The following PLCB1 variants were observed in gnomAD, a reference collection of about 807,000 sequenced individuals.
PLCB1 encodes 1-phosphatidylinositol 4,5-bisphosphate phosphodiesterase beta-1.
In PLCB1, 46 loss-of-function variants were observed where a neutral mutation model predicts 161.8. The ratio of observed to expected loss-of-function variants is 0.28; its 90% CI spans 0.22 to 0.36. PLCB1 has a LOEUF of 0.36. Ranked by LOEUF, PLCB1 falls within the 10% of genes least tolerant of loss-of-function variation. The probability of loss-of-function intolerance (pLI) is 1.00; values close to 1 mark genes in which losing one functional copy is unlikely to be tolerated. For missense variants in PLCB1, 1,016 were observed against 1,472.5 expected, an observed-to-expected ratio of 0.69 and a Z score of 5.07; for synonymous variants, 517 against 503.7, an observed-to-expected ratio of 1.03 and a Z score of -0.35.
At chr20:8,751,221 G>A (rs542308655) in intron 23 of PLCB1, 1 of 199,348 alleles carries the variant, frequency 5.0e-6, no homozygotes, top group East Asian at 1.3e-4. Context: ...TGGGATTACA[G>A]GCATGAGCCA....
chr20:8,480,088 C>T (rs1002089575), intron 3 of PLCB1, among the ~76,000 whole-genome samples: 8 of 152,184 alleles, frequency 5.3e-5, no homozygotes, highest in Middle Eastern at 3.4e-3. Context: ...TCTCTAGGGT[C>T]GCCAGGTAAT....
At chr20:8,705,683 T>C (rs1392513154) in intron 11 of PLCB1, among the ~76,000 whole-genome samples, 1 of 152,144 alleles carries the variant, frequency 6.6e-6, no homozygotes, top group East Asian at 1.9e-4. Context: ...TATTTTTGAC[T>C]GAAGGAACAA....
intron 2 of PLCB1, among the ~76,000 whole-genome samples, chr20:8,253,053 C>T (rs192363916): frequency 5.4e-4 from 82 of 152,062 alleles, no homozygotes; most frequent in Admixed American, 1.1e-3. Flanking sequence ...GTAGCAAATA[C>T]TATGAGTGTT....
intron 3 of PLCB1, among the ~76,000 whole-genome samples, chr20:8,483,030 TTCTCTCGATCGATGGAAATAATCAAAA>T (rs1982574188): frequency 1.3e-5 from 2 of 152,168 alleles, no homozygotes; most frequent in Admixed American, 1.3e-4. Flanking sequence ...CTTGACATTG[TTCTCTCGATCGATGGAAATAATCAAAA>T]AGGAGAAGGC....
chr20:8,755,956 G>A (rs1478381889), intron 23 of PLCB1, among the ~76,000 whole-genome samples: 2 of 152,226 alleles, frequency 1.3e-5, no homozygotes, highest in Non-Finnish European at 2.9e-5. Context: ...TATTTTTTGT[G>A]TAAAGTTGCT....
intron 3 of PLCB1, among the ~76,000 whole-genome samples, chr20:8,453,947 G>A (rs552104198): frequency 6.6e-6 from 1 of 152,228 alleles, no homozygotes; most frequent in East Asian, 1.9e-4. Context: ...CTGATCCCAT[G>A]GACTGATGTC....
chr20:8,380,541 A>G (rs1483837410), intron 3 of PLCB1, among the ~76,000 whole-genome samples: 1 of 152,176 alleles, frequency 6.6e-6, no homozygotes, highest in Non-Finnish European at 1.5e-5. Context: ...TTTGGGCAGT[A>G]CGGACATTTT....
intron 3 of PLCB1, among the ~76,000 whole-genome samples, chr20:8,533,711 G>A (rs1984923790): frequency 6.6e-6 from 1 of 150,954 alleles, no homozygotes. Context: ...TGATGGGGTT[G>A]TTTGTTTTTT....
chr20:8,274,377 A>T (rs1481553296), intron 2 of PLCB1, among the ~76,000 whole-genome samples: 1 of 152,116 alleles, frequency 6.6e-6, no homozygotes, highest in African/African-American at 2.4e-5. Context: ...AAGCCTTAAA[A>T]TTTTTGTTTT....
intron 4 of PLCB1, among the ~76,000 whole-genome samples, chr20:8,639,835 T>G (rs1988882463): frequency 6.6e-6 from 1 of 151,148 alleles, no homozygotes. Flanking sequence ...AATATGAAAG[T>G]CAGGAAGAGC....
intron 16 of PLCB1, among the ~76,000 whole-genome samples, chr20:8,725,938 T>G (rs1233694264): frequency 6.6e-6 from 1 of 152,146 alleles, no homozygotes; most frequent in Non-Finnish European, 1.5e-5. Flanking sequence ...CAAGTACCTA[T>G]TAATGTTGAC....
intron 31 of PLCB1, among the ~76,000 whole-genome samples, chr20:8,858,853 C>G (rs187137019): frequency 4.3e-4 from 64 of 147,832 alleles, no homozygotes; most frequent in African/African-American, 1.5e-3. Flanking sequence ...AAGGCCATTC[C>G]CTTTTTCCCA....
chr20:8,835,548 A>C lies in PLCB1; in HGVS notation c.3423+45287A>C, dbSNP rs60065385. ...ATAGCAATCTACTCATTTATGAAAC[A>C]AAGAATTCCAGGCATATCTTGTTTT... On this transcript the variant is annotated intron_variant, in intron 31 of 31. Coordinates refer to ENST00000338037, the MANE Select transcript of PLCB1 (RefSeq NM_015192.4). Among the ~76,000 whole-genome samples the C allele has an allele frequency of 4.1e-3, 624 of 152,260 alleles. 2 individuals carry two copies. The highest frequency in any genetic ancestry group is 0.015 in the African/African-American group (603 of 41,562).
chr20:8,638,881 T>TCAGGAC (rs11474152), intron 4 of PLCB1, among the ~76,000 whole-genome samples: 85,208 of 151,716 alleles, frequency 0.56, 24,562 homozygotes, highest in African/African-American at 0.68. Flanking sequence ...TGATTCTGTC[T>TCAGGAC]TTGCATTTGG....
At chr20:8,720,631 A>G (rs1266659519) in intron 14 of PLCB1, among the ~76,000 whole-genome samples, 1 of 151,814 alleles carries the variant, frequency 6.6e-6, no homozygotes, top group Non-Finnish European at 1.5e-5. Flanking sequence ...GTTCAACAAG[A>G]TTCCCCCAAC....
At position 8,765,266 on chromosome 20, in the gene PLCB1, A is replaced by C. The variant is rs530799467; in HGVS notation, c.2838A>C (p.Lys946Asn). 1.2e-6 allele frequency: 2 copies of C among 1,614,142 alleles called. No homozygotes were observed. Among genetic ancestry groups the C allele is most frequent in the Non-Finnish European group, 1.7e-6 (2 of 1,179,964 alleles). ...ACAAGAAAACCACTGACCTTATCAA[A>C]GAACACACTACCAAGTATAATGAAA... ...RHHKKTTDLI[K>N]EHTTKYNEIQ... Residue 946 changes from lysine (K) to asparagine (N), a missense_variant, in exon 26 of 32, where the codon AAA becomes AAC. By Grantham distance (94) the Lys-to-Asn change is moderately conservative (BLOSUM62 0). Around this residue, in one of 10 missense-constraint regions of PLCB1, gnomAD observed 398 missense variants for 445.4 expected, o/e 0.89. Coordinates refer to ENST00000338037, the MANE Select transcript of PLCB1 (RefSeq NM_015192.4).
intron 3 of PLCB1, among the ~76,000 whole-genome samples, chr20:8,554,390 C>T (rs6118246): frequency 0.09 from 13,640 of 152,032 alleles, 689 homozygotes; most frequent in South Asian, 0.14. Flanking sequence ...AAACACATTG[C>T]GGTATAATCA....
intron 3 of PLCB1, among the ~76,000 whole-genome samples, chr20:8,452,094 T>C (rs965855044): frequency 1.3e-5 from 2 of 152,224 alleles, no homozygotes; most frequent in Non-Finnish European, 2.9e-5. Context: ...TTTTTAAAAA[T>C]TTCTAATATT....
intron 2 of PLCB1, among the ~76,000 whole-genome samples, chr20:8,295,179 G>A (rs189376105): frequency 6.6e-6 from 1 of 152,196 alleles, no homozygotes; most frequent in African/African-American, 2.4e-5. Flanking sequence ...TAGACAAAAC[G>A]ATGTGATACA....
Sources: allele counts gnomAD v4.1 joint callset (sites outside exome capture counted in the v4.1 genomes callset), GRCh38; gene constraint gnomAD v4.1.1; regional missense constraint gnomAD v4.1.1; transcripts MANE v1.5; gene names NCBI Gene and HGNC (gene_info 2026-07-23, HGNC 2026-07-21).